PDE4D: variants seen among roughly 807,000 people sequenced by gnomAD.
PDE4D encodes phosphodiesterase 4D, also known as 3',5'-cyclic-AMP phosphodiesterase 4D.
A neutral mutation model predicts 87.4 loss-of-function variants in PDE4D; 24 were observed. The observed-to-expected ratio is 0.27, with a 90% CI of 0.20 to 0.39. PDE4D has a LOEUF of 0.39. PDE4D is among the 10% of genes least tolerant of loss of function. The pLI is 1.00. For synonymous variants in PDE4D, 384 were observed against 383.2 expected (o/e 1.00, Z -0.02); for missense variants, 714 against 1,041.0 (o/e 0.69, Z 4.32).
At chr5:59,607,021 A>G (rs1487821865) in intron 1 of PDE4D, among the ~76,000 whole-genome samples, 1 of 152,060 alleles carries the variant, frequency 6.6e-6, no homozygotes, top group African/African-American at 2.4e-5. Context: ...AAAGTAACCA[A>G]TATTTTTCCC....
At chr5:60,382,713 G>A (rs773568108) in intron 1 of PDE4D, among the ~76,000 whole-genome samples, 26 of 152,142 alleles carry the variant, frequency 1.7e-4, no homozygotes, top group Non-Finnish European at 3.8e-4. Flanking sequence ...TACTGGATCT[G>A]CCTTCACTTT....
chr5:59,488,230 A>G (rs533065246), intron 1 of PDE4D, among the ~76,000 whole-genome samples: 1 of 151,860 alleles, frequency 6.6e-6, no homozygotes. Flanking sequence ...TGAATTTTAA[A>G]GTGTTGCCAT....
At chr5:59,381,974 T>G (rs954777685) in intron 1 of PDE4D, among the ~76,000 whole-genome samples, 1 of 152,180 alleles carries the variant, frequency 6.6e-6, no homozygotes, top group African/African-American at 2.4e-5. Context: ...ATTATTTTGT[T>G]CCTGAAAAGG....
chr5:59,102,052 T>C (rs1242842080), intron 5 of PDE4D, among the ~76,000 whole-genome samples: 1 of 151,246 alleles, frequency 6.6e-6, no homozygotes, highest in Non-Finnish European at 1.5e-5. Context: ...TAATTTGCAG[T>C]ACCTCTGAAA....
chr5:59,706,081 A>G, intron 1 of PDE4D, among the ~76,000 whole-genome samples: 1 of 152,120 alleles, frequency 6.6e-6, no homozygotes, highest in Middle Eastern at 3.2e-3. Context: ...AGATTTTTTT[A>G]TGTTTTCAAG....
intron 1 of PDE4D, among the ~76,000 whole-genome samples, chr5:59,462,794 A>C (rs1370595253): frequency 3.9e-5 from 6 of 152,054 alleles, no homozygotes; most frequent in Non-Finnish European, 8.8e-5. Flanking sequence ...CATATGTACT[A>C]TTTTCTGACA....
intron 1 of PDE4D, among the ~76,000 whole-genome samples, chr5:59,778,440 AATT>A (rs1264611372): frequency 2.0e-5 from 3 of 152,244 alleles, no homozygotes; most frequent in Admixed American, 2.0e-4. Context: ...TTCTTTCTGA[AATT>A]ATTATTTTAA....
chr5:60,116,392 C>T (rs1422671448), intron 2 of PDE4D, among the ~76,000 whole-genome samples: 1 of 151,980 alleles, frequency 6.6e-6, no homozygotes, highest in East Asian at 1.9e-4. Context: ...AGGGTAACCC[C>T]CTTATGCCTA....
upstream of PDE4D, among the ~76,000 whole-genome samples, chr5:59,898,002 A>C (rs1751845305): frequency 6.6e-6 from 1 of 152,200 alleles, no homozygotes. Context: ...TATTGCCAGT[A>C]CAAGTACTAG....
chr5:60,382,946 T>C (rs1407543950), intron 1 of PDE4D, among the ~76,000 whole-genome samples: 1 of 152,120 alleles, frequency 6.6e-6, no homozygotes, highest in Non-Finnish European at 1.5e-5. Context: ...AAGTGTAACA[T>C]TCAAACTAGT....
intron 1 of PDE4D, among the ~76,000 whole-genome samples, chr5:59,296,314 T>C (rs902142404): frequency 1.3e-5 from 2 of 152,064 alleles, no homozygotes; most frequent in African/African-American, 4.8e-5. Flanking sequence ...TTTCCAATGG[T>C]AAACATTTCA....
Position 59,279,520 on chromosome 5 carries a change from C to T in PDE4D, c.456-63552G>A, listed in dbSNP as rs147851491. 2.0e-4 allele frequency among the ~76,000 whole-genome samples: 31 copies of T among 152,038 alleles called. No individual in the cohort carries two copies. The East Asian group carries it at 4.5e-3, about 22-fold the overall frequency. ...TTTCTTAATTCCCAAAGGAGAAGTC[C>T]GGAGTATTATATTTTGAAGGCTTTC... On this transcript the variant is annotated intron_variant, in intron 1 of 14. Transcript: ENST00000340635.
At chr5:59,792,282 G>A (rs1461650506) in intron 1 of PDE4D, among the ~76,000 whole-genome samples, 2 of 152,174 alleles carry the variant, frequency 1.3e-5, no homozygotes, top group African/African-American at 2.4e-5. Flanking sequence ...ACAAGTCTGA[G>A]GCCACAGTAG....
intron 1 of PDE4D, among the ~76,000 whole-genome samples, chr5:60,238,429 G>C (rs545435752): frequency 6.6e-6 from 1 of 152,048 alleles, no homozygotes; most frequent in Non-Finnish European, 1.5e-5. Flanking sequence ...TATATGCCTA[G>C]AAGTGGAATT....
At chr5:60,126,877 G>A (rs1404095618) in intron 2 of PDE4D, among the ~76,000 whole-genome samples, 1 of 152,066 alleles carries the variant, frequency 6.6e-6, no homozygotes, top group Admixed American at 6.6e-5. Context: ...ATTATTCAGT[G>A]AATAAAAGAG....
chr5:58,981,882 A>G (rs767264487), intron 11 of PDE4D, among the ~76,000 whole-genome samples: 7 of 152,174 alleles, frequency 4.6e-5, no homozygotes, highest in Non-Finnish European at 8.8e-5. Context: ...TATTCCACAC[A>G]TACTCTTCCT....
At chr5:59,340,632 C>A (rs1561992290) in intron 1 of PDE4D, among the ~76,000 whole-genome samples, 1 of 152,130 alleles carries the variant, frequency 6.6e-6, no homozygotes, top group Non-Finnish European at 1.5e-5. Context: ...ATCATTCTAT[C>A]TAAATATATT....
chr5:60,520,398 G>A (rs965271916), intron 1 of PDE4D, among the ~76,000 whole-genome samples: 15 of 152,160 alleles, frequency 9.9e-5, no homozygotes, highest in African/African-American at 3.6e-4. Context: ...CTTTGCCTGG[G>A]AGTGAGACTT....
chr5:59,769,589 GA>G, intron 1 of PDE4D, among the ~76,000 whole-genome samples: 1 of 152,158 alleles, frequency 6.6e-6, no homozygotes, highest in South Asian at 2.1e-4. Flanking sequence ...TTTGCAATTG[GA>G]AAAAAAGTAA....
Sources: allele counts gnomAD v4.1 joint callset (sites outside exome capture counted in the v4.1 genomes callset), GRCh38; gene constraint gnomAD v4.1.1; transcripts MANE v1.5; gene names NCBI Gene and HGNC (gene_info 2026-07-23, HGNC 2026-07-21).